The following TOMM20L variants were observed in gnomAD, a reference collection of about 807,000 sequenced individuals.
The protein encoded by TOMM20L is TOMM20-like protein 1.
In TOMM20L, 19 loss-of-function variants were observed where a neutral mutation model predicts 20.4. The observed-to-expected ratio is 0.93, with a 90% CI of 0.65 to 1.36. The LOEUF is 1.36. TOMM20L is among the 40% of genes most tolerant of loss of function. TOMM20L has a pLI of 0.00. For missense variants in TOMM20L, 218 were observed against 203.7 expected (o/e 1.07, Z -0.43); for synonymous variants, 75 against 79.6 (o/e 0.94, Z 0.30).
downstream of TOMM20L, among the ~76,000 whole-genome samples, chr14:58,413,531 G>T (rs982080223): frequency 8.5e-5 from 13 of 152,098 alleles, no homozygotes; most frequent in African/African-American, 3.1e-4. Context: ...ATAATCTAAC[G>T]TGGCGGCAAC....
chr14:58,403,634 T>C (rs562902975), intron 3 of TOMM20L, among the ~76,000 whole-genome samples: 40 of 151,928 alleles, frequency 2.6e-4, no homozygotes, highest in Admixed American at 9.2e-4. Flanking sequence ...GTCAGGAGAT[T>C]GAGACCATCC....
chr14:58,408,432 A>T, intron 4 of TOMM20L, 97 bp from the exon 5 acceptor site: 1 of 1,117,972 alleles, frequency 8.9e-7, no homozygotes, highest in Non-Finnish European at 1.3e-6. Context: ...AAAAAAAAAA[A>T]GAAAAGTATA....
At chr14:58,396,212 G>T (rs2035915144) in intron 1 of TOMM20L, 86 bp from the exon 2 acceptor site, 1 of 1,569,412 alleles carries the variant, frequency 6.4e-7, no homozygotes, top group Non-Finnish European at 8.6e-7. Context: ...CGAGGGGCCC[G>T]CGGCGCCCGG....
chr14:58,400,397 G>A (rs2035979088), intron 2 of TOMM20L, among the ~76,000 whole-genome samples: 1 of 149,314 alleles, frequency 6.7e-6, no homozygotes, highest in South Asian at 2.1e-4. Context: ...ACTCCAGCCT[G>A]GGCAACAGAG....
intron 2 of TOMM20L, among the ~76,000 whole-genome samples, chr14:58,399,189 A>G (rs937475769): frequency 1.3e-5 from 2 of 152,106 alleles, no homozygotes; most frequent in Admixed American, 1.3e-4. Flanking sequence ...CCTGGCCTCT[A>G]TTCTCATTTT....
At chr14:58,415,788 T>C in the TOMM20L span, among the ~76,000 whole-genome samples, 1 of 151,908 alleles carries the variant, frequency 6.6e-6, no homozygotes, top group Non-Finnish European at 1.5e-5. Context: ...GTAAAAGTAG[T>C]GGAAGAAATA....
downstream of TOMM20L, among the ~76,000 whole-genome samples, chr14:58,409,871 C>T (rs531594693): frequency 6.6e-6 from 1 of 152,130 alleles, no homozygotes; most frequent in Admixed American, 6.6e-5. Context: ...AGCCACCGCG[C>T]CCAGCCTATT....
At position 58,402,839 on chromosome 14, in the gene TOMM20L, AAAT is replaced by A. The variant is rs143517152; in HGVS notation, c.262+81_262+83del. On this transcript the variant is annotated intron_variant, in intron 3 of 4. Coordinates refer to ENST00000360945, the MANE Select transcript of TOMM20L (RefSeq NM_207377.3). Reference sequence around the variant, plus strand: ...ATTTATTGATTAGTATTTGTATGTCAAATAACTAGCTGGATGTGTTAGCCAACT... The same window carrying A: ...ATTTATTGATTAGTATTTGTATGTCAAACTAGCTGGATGTGTTAGCCAACT... 3.6e-3 allele frequency: 4,058 copies of A among 1,118,102 alleles called. 110 individuals carry two copies. The African/African-American group carries it at 0.055, about 15-fold the overall frequency. 69.3% of individuals were successfully genotyped at this position (1,118,102 alleles called of 1,614,324 possible). A position where few individuals can be genotyped will look rare whatever the true frequency, so the allele number is the denominator to read the frequency against.
intron 2 of TOMM20L, among the ~76,000 whole-genome samples, chr14:58,399,583 CT>C (rs1193254584): frequency 3.3e-5 from 5 of 151,956 alleles, no homozygotes; most frequent in East Asian, 1.9e-4. Context: ...ATTCTTCCCC[CT>C]CTCCCTAGAA....
At chr14:58,396,492 CCT>C (rs1359242604) in intron 2 of TOMM20L, 151 bp downstream of exon 2, 15 of 782,762 alleles carry the variant, frequency 1.9e-5, no homozygotes, top group Non-Finnish European at 4.2e-6. Flanking sequence ...CCACGCACCG[CCT>C]CAGGCCCAGT....
intron 4 of TOMM20L, 77 bp from the exon 5 acceptor site, chr14:58,408,452 C>T (rs1376261728): frequency 6.8e-6 from 9 of 1,330,688 alleles, no homozygotes. Context: ...ATGTAATGCC[C>T]ACCCTGACAC....
At chr14:58,409,981 T>C (rs1358535523), downstream of TOMM20L, among the ~76,000 whole-genome samples, 1 of 152,048 alleles carries the variant, frequency 6.6e-6, no homozygotes, top group Admixed American at 6.6e-5. Flanking sequence ...TCCTCCTACC[T>C]CAGCCCCTGG....
chr14:58,399,544 C>T (rs937510764), intron 2 of TOMM20L, among the ~76,000 whole-genome samples: 64 of 152,152 alleles, frequency 4.2e-4, no homozygotes, highest in African/African-American at 1.5e-3. Flanking sequence ...TCAGGTGATG[C>T]TTTGTGAAAC....
At position 58,406,075 on chromosome 14, in the gene TOMM20L, A is replaced by G. The variant is rs1249796072; in HGVS notation, c.263-1251A>G. Among the ~76,000 whole-genome samples the G allele has an allele frequency of 2.0e-5, 3 of 152,146 alleles. No homozygotes were observed. In the East Asian group the frequency reaches 5.8e-4, roughly 29 times the overall value. On this transcript the variant is annotated intron_variant, in intron 3 of 4. Transcript: ENST00000360945. ...TTAACTTTCTCCACTCCCCTTTGCT[A>G]TCACCCACAATTTTCGTCATTTTCT...
chr14:58,399,692 G>T (rs887845549), intron 2 of TOMM20L, among the ~76,000 whole-genome samples: 1 of 151,482 alleles, frequency 6.6e-6, no homozygotes, highest in African/African-American at 2.4e-5. Flanking sequence ...TGGACATTCT[G>T]TTGGCACCTC....
chr14:58,404,933 C>T (rs548593830), intron 3 of TOMM20L, among the ~76,000 whole-genome samples: 1 of 151,184 alleles, frequency 6.6e-6, no homozygotes, highest in East Asian at 1.9e-4. Flanking sequence ...TGTCTAAAGA[C>T]TTTTATTTGC....
chr14:58,413,688 A>G (rs552894035), downstream of TOMM20L, among the ~76,000 whole-genome samples: 7 of 152,300 alleles, frequency 4.6e-5, no homozygotes, highest in Non-Finnish European at 1.0e-4. Context: ...AGTTCTAAAA[A>G]GGTTGAGCAT....
At chr14:58,399,086 A>G (rs2035959264) in intron 2 of TOMM20L, among the ~76,000 whole-genome samples, 2 of 152,116 alleles carry the variant, frequency 1.3e-5, no homozygotes, top group Admixed American at 1.3e-4. Flanking sequence ...GGGTTTCGCA[A>G]CATTGCCCAG....
At chr14:58,397,707 G>C (rs1000330623) in intron 2 of TOMM20L, among the ~76,000 whole-genome samples, 3 of 152,174 alleles carry the variant, frequency 2.0e-5, no homozygotes, top group African/African-American at 7.2e-5. Context: ...AGGTTGGAGA[G>C]CGAAAGTAGG....
Sources: allele counts gnomAD v4.1 joint callset (sites outside exome capture counted in the v4.1 genomes callset), GRCh38; gene constraint gnomAD v4.1.1; transcripts MANE v1.5; gene names NCBI Gene and HGNC (gene_info 2026-07-23, HGNC 2026-07-21).